Variants in NIT2 observed in about 807,000 individuals in gnomAD.
NIT2 encodes omega-amidase NIT2.
NIT2 carries 46 observed loss-of-function variants against 42.7 expected under a neutral mutation model. That is an observed-to-expected ratio of 1.08 (90% confidence interval 0.85 to 1.38). NIT2 has a LOEUF of 1.38. NIT2 is among the 40% of genes most tolerant of loss of function. The probability of loss-of-function intolerance (pLI) is 0.00; values close to 1 mark genes in which losing one functional copy is unlikely to be tolerated. For missense variants in NIT2, 309 were observed against 342.5 expected (o/e 0.90, Z 0.77); for synonymous variants, 123 against 121.9 (o/e 1.01, Z -0.06).
At chr3:100,342,485 A>G (rs1046140467) in intron 4 of NIT2, among the ~76,000 whole-genome samples, 35 of 143,972 alleles carry the variant, frequency 2.4e-4, no homozygotes, top group African/African-American at 8.6e-4. Context: ...TTCTGTTTTA[A>G]TTTATCTATT....
chr3:100,336,077 C>T (rs1706067870), intron 1 of NIT2, among the ~76,000 whole-genome samples: 1 of 152,176 alleles, frequency 6.6e-6, no homozygotes, highest in South Asian at 2.1e-4. Context: ...AGCAGGCTGC[C>T]TTCAGGGTTA....
chr3:100,345,702 C>G (rs775460309), intron 5 of NIT2, 24 bp downstream of exon 5: 11 of 1,405,888 alleles, frequency 7.8e-6, no homozygotes, highest in South Asian at 3.5e-5. Context: ...AAGTTTGCCT[C>G]TTTAGCAATC....
Position 100,357,429 on chromosome 3 carries a change from A to T in NIT2, c.*2161A>T, listed in dbSNP as rs1465086634. Reference sequence around the variant, plus strand: ...AAAAAATGAAAGAATGATCTGGTTGATGTGGATGTGTGGAACCTAGGAACC... The same window carrying T: ...AAAAAATGAAAGAATGATCTGGTTGTTGTGGATGTGTGGAACCTAGGAACC... On this transcript the variant is annotated 3_prime_UTR_variant, in exon 10 of 10. Transcript: ENST00000394140. 1 of 152,168 alleles carries T rather than the reference A, an allele frequency of 6.6e-6. No individual in the cohort carries two copies. The highest frequency in any genetic ancestry group is 1.5e-5 in the Non-Finnish European group (1 of 68,032). 9.4% of individuals were successfully genotyped at this position (152,168 alleles called of 1,614,324 possible).
chr3:100,348,735 C>G (rs1576202355), intron 6 of NIT2, 68 bp from the exon 7 acceptor site: 1 of 1,243,716 alleles, frequency 8.0e-7, no homozygotes, highest in East Asian at 2.3e-5. Context: ...AGATAAGGAA[C>G]AGTGGGGAGG....
rs116340713 is a variant in NIT2 at position 100,340,623 on chromosome 3, C to T, written c.248-450C>T. ...ACTGCATTCAGTGATGGAGAGGCTT[C>T]TGACTTTACGTTCTCATCTTTTGGG... On this transcript the variant is annotated intron_variant, in intron 3 of 9. Transcript: ENST00000394140. 9.3e-3 allele frequency among the ~76,000 whole-genome samples: 1,423 copies of T among 152,296 alleles called. 15 individuals are homozygous for T. Among genetic ancestry groups the T allele is most frequent in the Non-Finnish European group, 0.016 (1,069 of 68,018 alleles).
At chr3:100,346,279 T>TAAA (rs1260940763) in intron 6 of NIT2, 24 bp downstream of exon 6, 3 of 1,608,492 alleles carry the variant, frequency 1.9e-6, no homozygotes, top group South Asian at 2.2e-5. Context: ...ATAGCTGTGT[T>TAAA]ATGTGGGTGC....
intron 1 of NIT2, among the ~76,000 whole-genome samples, chr3:100,337,444 A>ATTAT (rs745784349): frequency 6.6e-5 from 10 of 152,110 alleles, no homozygotes; most frequent in South Asian, 2.1e-4. Context: ...AACAAGGAAA[A>ATTAT]TTATTTATTT....
rs558288442 is a variant in NIT2, at chr3:100,352,339, C to T, written c.585-65C>T. The T allele has an allele frequency of 3.9e-4, 490 of 1,256,632 alleles. 1 individual carries two copies. The highest frequency in any genetic ancestry group is 5.1e-4 in the Non-Finnish European group (440 of 864,802). The allele number at this position is 1,256,632 out of a possible 1,614,324, so 77.8% of individuals were successfully genotyped here. On this transcript the variant is annotated intron_variant, in intron 7 of 9. Transcript: ENST00000394140. ...ATTTTTTAAAAGAAGGATCTATCTA[C>T]TTGGGTTAGAAAAATGTCAGATTTA...
At chr3:100,335,140 C>A (rs1706053897) in intron 1 of NIT2, 2 of 361,738 alleles carry the variant, frequency 5.5e-6, no homozygotes, top group Non-Finnish European at 5.5e-6. Flanking sequence ...TGGGTGTTTT[C>A]AAGTTGCGTG....
rs1391665709 is a variant in NIT2 at position 100,355,708 on chromosome 3, T to TCTA, written c.*440_*441insCTA. Reference sequence around the variant, plus strand: ...GTTCCATTTTTGGTTCATGAGTAGCTATAGAACGCAAGGTGATACATCTTT... The same window carrying TCTA: ...GTTCCATTTTTGGTTCATGAGTAGCTCTAATAGAACGCAAGGTGATACATCTTT... On this transcript the variant is annotated 3_prime_UTR_variant, in exon 10 of 10. Transcript: ENST00000394140. 6.4e-6 allele frequency: 1 copy of TCTA among 156,756 alleles called. No homozygotes were observed. Among genetic ancestry groups the TCTA allele is most frequent in the African/African-American group, 2.4e-5 (1 of 41,526 alleles). 9.7% of individuals were successfully genotyped at this position (156,756 alleles called of 1,614,324 possible).
intron 7 of NIT2, among the ~76,000 whole-genome samples, chr3:100,350,771 A>G (rs577232457): frequency 2.0e-4 from 31 of 152,290 alleles, no homozygotes; most frequent in Admixed American, 8.5e-4. Context: ...TTAGTTACAT[A>G]TGTATACGTG....
intron 1 of NIT2, among the ~76,000 whole-genome samples, chr3:100,336,519 C>T (rs1489652189): frequency 2.6e-5 from 4 of 152,060 alleles, no homozygotes; most frequent in African/African-American, 7.2e-5. Context: ...GGGTGTTTCT[C>T]GGAGAGGGGG....
In NIT2 at chr3:100,334,812, C is replaced by CCGCG. The variant is rs754617144; in HGVS notation, c.7+18_7+21dup. The CCGCG allele has an allele frequency of 2.4e-5, 31 of 1,299,336 alleles. No homozygotes were observed. Among genetic ancestry groups the CCGCG allele is most frequent in the Non-Finnish European group, 4.9e-6 (5 of 1,019,866 alleles). 80.5% of individuals were successfully genotyped at this position (1,299,336 alleles called of 1,614,324 possible). A position where few individuals can be genotyped will look rare whatever the true frequency, so the allele number is the denominator to read the frequency against. On this transcript the variant is annotated intron_variant, in intron 1 of 9. Coordinates refer to ENST00000394140, the MANE Select transcript of NIT2 (RefSeq NM_020202.5). ...GAGTCATGACCTGTAAGTGGCGCGG[C>CCGCG]CGCGCGCTGCAGCTCGAGTTCGGGC...
At chr3:100,348,414 A>G (rs920103946) in intron 6 of NIT2, among the ~76,000 whole-genome samples, 1 of 152,196 alleles carries the variant, frequency 6.6e-6, no homozygotes, top group Non-Finnish European at 1.5e-5. Context: ...TATTGAGTCC[A>G]CTGGGTCTTA....
Position 100,355,252 on chromosome 3 carries a change from A to C in NIT2, c.815A>C (p.Glu272Ala), listed in dbSNP as rs766728023. The C allele has an allele frequency of 1.2e-6, 2 of 1,613,422 alleles. No homozygotes were observed. Among genetic ancestry groups the C allele is most frequent in the South Asian group, 2.2e-5 (2 of 91,034 alleles). ...RQKRSDLYAV[E>A]MKKP is the part of the protein sequence containing the mutation. ...AAGCGATCAGACCTCTATGCTGTGG[A>C]GATGAAAAAGCCCTAAAGTTTATGT... The change falls in exon 10 of 10, where the codon GAG becomes GCG. Residue 272 changes from glutamate to alanine, a missense_variant. By Grantham distance (107) the Glu-to-Ala change is moderately radical (BLOSUM62 -1). Transcript: ENST00000394140.
rs995006189 is a variant in NIT2 at position 100,356,821 on chromosome 3, C to G, written c.*1553C>G. The G allele has an allele frequency of 1.6e-4, 24 of 152,140 alleles. No individual in the cohort carries two copies. Among genetic ancestry groups the G allele is most frequent in the African/African-American group, 5.6e-4 (23 of 41,428 alleles). 9.4% of individuals were successfully genotyped at this position (152,140 alleles called of 1,614,324 possible). On this transcript the variant is annotated 3_prime_UTR_variant, in exon 10 of 10. Transcript: ENST00000394140. ...TGTCAATCACTGATAAATTTTATTA[C>G]TATAGATTAGCTTGCATTTTCTAAA...
At chr3:100,339,236 CCACTGTA>C (rs1706117740) in intron 2 of NIT2, 31 bp downstream of exon 2, 1 of 1,310,234 alleles carries the variant, frequency 7.6e-7, no homozygotes, top group Non-Finnish European at 1.1e-6. Context: ...TCTGTTCTAG[CCACTGTA>C]CACCCAAGCA....
At chr3:100,338,516 A>G (rs1381754478) in intron 1 of NIT2, among the ~76,000 whole-genome samples, 1 of 152,164 alleles carries the variant, frequency 6.6e-6, no homozygotes, top group African/African-American at 2.4e-5. Flanking sequence ...CCCAGCCAGT[A>G]GTGGGGAAAC....
chr3:100,335,521 C>T (rs1386326060), intron 1 of NIT2, among the ~76,000 whole-genome samples: 2 of 152,196 alleles, frequency 1.3e-5, no homozygotes, highest in African/African-American at 2.4e-5. Flanking sequence ...GAGTGACGGG[C>T]GTCTCCTCCT....
Sources: gnomAD v4.1 joint callset for allele counts (sites outside exome capture counted in the v4.1 genomes callset) on GRCh38, gnomAD v4.1.1 for gene constraint, MANE v1.5 for transcripts, NCBI Gene and HGNC (gene_info 2026-07-23, HGNC 2026-07-21) for gene names.